Variants in SIK2 observed in about 807,000 individuals in gnomAD.
SIK2 encodes salt inducible kinase 2.
A neutral mutation model predicts 103.2 loss-of-function variants in SIK2; 29 were observed. The ratio of observed to expected loss-of-function variants is 0.28; its 90% CI spans 0.21 to 0.38. SIK2 has a LOEUF of 0.38. SIK2 is among the 10% of genes least tolerant of loss of function. SIK2 has a pLI of 1.00. For synonymous variants in SIK2, 412 were observed against 446.1 expected, an observed-to-expected ratio of 0.92 and a Z score of 0.96; for missense variants, 879 against 1,171.0, an observed-to-expected ratio of 0.75 and a Z score of 3.64.
chr11:111,700,781 A>G (rs140098989), intron 4 of SIK2, 105 bp from the exon 5 acceptor site: 1 of 1,373,512 alleles, frequency 7.3e-7, no homozygotes, highest in African/African-American at 1.4e-5. Context: ...CTCACAGTAA[A>G]TAGTAGTGAT....
intron 3 of SIK2, among the ~76,000 whole-genome samples, chr11:111,632,667 C>T (rs374419002): frequency 8.5e-5 from 13 of 152,132 alleles, no homozygotes; most frequent in East Asian, 7.7e-4. Context: ...ATTCTGACTT[C>T]ATGTACTAAC....
At chr11:111,660,190 G>A (rs1406279314) in intron 3 of SIK2, among the ~76,000 whole-genome samples, 3 of 152,086 alleles carry the variant, frequency 2.0e-5, no homozygotes, top group African/African-American at 7.2e-5. Flanking sequence ...CCAGGGGGAA[G>A]GATTGCCCTG....
chr11:111,716,996 A>C (rs763809668), intron 9 of SIK2, among the ~76,000 whole-genome samples: 3 of 152,156 alleles, frequency 2.0e-5, no homozygotes, highest in Non-Finnish European at 4.4e-5. Flanking sequence ...AGAAGACCTC[A>C]TACAGCCAAC....
chr11:111,724,197 T>A lies in SIK2; in HGVS notation c.*68T>A. 6.6e-7 allele frequency: 1 copy of A among 1,524,904 alleles called. No individual in the cohort carries two copies. The allele number at this position is 1,524,904 out of a possible 1,614,324, so 94.5% of individuals were successfully genotyped here. ...TATGTTCCTATTTTTATTCCAGCCT[T>A]TTAAATTTAAAGCTTATTTTCTTGC... On this transcript the variant is annotated 3_prime_UTR_variant, in exon 15 of 15. Transcript: ENST00000304987.
intron 1 of SIK2, among the ~76,000 whole-genome samples, chr11:111,612,940 ATATATATT>A (rs1341622117): frequency 1.9e-5 from 2 of 105,746 alleles, no homozygotes; most frequent in African/African-American, 3.0e-5. Flanking sequence ...ATATATATAT[ATATATATT>A]TATGATCATA....
intron 3 of SIK2, among the ~76,000 whole-genome samples, chr11:111,668,035 G>A (rs2135877509): frequency 6.6e-6 from 1 of 152,256 alleles, no homozygotes. Context: ...AGTCAGGAAA[G>A]GCTTTCTTAG....
intron 9 of SIK2, among the ~76,000 whole-genome samples, chr11:111,716,659 G>A (rs961889484): frequency 9.9e-5 from 15 of 152,110 alleles, no homozygotes; most frequent in Non-Finnish European, 1.3e-4. Context: ...GGATAAAATC[G>A]AACTCAGCAA....
At chr11:111,604,143 A>C (rs957212859) in intron 1 of SIK2, among the ~76,000 whole-genome samples, 6 of 152,280 alleles carry the variant, frequency 3.9e-5, no homozygotes, top group Non-Finnish European at 8.8e-5. Flanking sequence ...TGATAACTTG[A>C]CTATAGTGAT....
rs10595659 is a variant in SIK2, at chr11:111,719,356, CT to C, written c.1267-400del. Among the ~76,000 whole-genome samples, 218 of 118,834 alleles carry C rather than the reference CT, an allele frequency of 1.8e-3. 1 individual carries two copies. Among genetic ancestry groups the C allele is most frequent in the South Asian group, 0.013 (43 of 3,234 alleles). The allele number at this position is 118,834 out of a possible 152,430, so 78.0% of individuals were successfully genotyped here. On this transcript the variant is annotated intron_variant, in intron 9 of 14. Coordinates refer to ENST00000304987, the MANE Select transcript of SIK2 (RefSeq NM_015191.3). ...AATAGAAGAATCTTGGTGACTACCC[CT>C]TTTTTTTTTTTTTTTTTTAGCAATG...
chr11:111,716,724 G>A (rs1410280012), intron 9 of SIK2, among the ~76,000 whole-genome samples: 1 of 152,156 alleles, frequency 6.6e-6, no homozygotes, highest in Non-Finnish European at 1.5e-5. Flanking sequence ...GAAAATAAAT[G>A]TATAAACTGA....
Position 111,705,024 on chromosome 11 carries a change from T to C in SIK2, c.986T>C (p.Ile329Thr), listed in dbSNP as rs1943309850. The C allele has an allele frequency of 6.2e-7, 1 of 1,608,764 alleles. No individual in the cohort carries two copies. Among genetic ancestry groups the C allele is most frequent in the Non-Finnish European group, 8.5e-7 (1 of 1,178,370 alleles). ...AAGAGCTATAACCACTTTGCTGCCA[T>C]TTATTTCTTGTTGGTGGAGCGCCTG... ...QNKSYNHFAA[I>T]YFLLVERLKS... Residue 329 changes from isoleucine to threonine, a missense_variant, in exon 8 of 15, where the codon ATT becomes ACT. This residue lies in a region of SIK2 where 99 missense variants were observed against 153.9 expected (regional missense o/e 0.64). Coordinates refer to ENST00000304987, the MANE Select transcript of SIK2 (RefSeq NM_015191.3). The surrounding 1 kb of genome is among the most constrained non-coding windows in gnomAD (Gnocchi z 4.3).
In SIK2 at chr11:111,721,878, G is replaced by A. The variant is rs768572847; in HGVS notation, c.1993G>A (p.Val665Met). Residue 665 changes from valine (V) to methionine (M), a missense_variant, in exon 13 of 15, where the codon GTG (valine) becomes ATG (methionine). Val to Met is a conservative substitution (Grantham distance 21). Around this residue, in one of 7 missense-constraint regions of SIK2, gnomAD observed 375 missense variants for 416.3 expected, o/e 0.90. Coordinates refer to ENST00000304987, the MANE Select transcript of SIK2 (RefSeq NM_015191.3). ...QESVSTLPAS[V>M]HPQLSPRQSL... ...AAGCGTCTCCACTCTCCCTGCCAGC[G>A]TGCATCCCCAGCTGTCCCCACGGCA... 94 of 1,612,770 alleles carry A rather than the reference G, an allele frequency of 5.8e-5. No homozygotes were observed. The highest frequency in any genetic ancestry group is 5.8e-4 in the South Asian group (53 of 90,966).
intron 3 of SIK2, among the ~76,000 whole-genome samples, chr11:111,660,436 T>A (rs1478701644): frequency 6.6e-6 from 1 of 152,234 alleles, no homozygotes; most frequent in African/African-American, 2.4e-5. Flanking sequence ...GGTGTGTACC[T>A]GTGTAGTATA....
chr11:111,719,367 T>C (rs1318337850), intron 9 of SIK2, among the ~76,000 whole-genome samples: 1 of 149,686 alleles, frequency 6.7e-6, no homozygotes, highest in Non-Finnish European at 1.5e-5. Context: ...TTTTTTTTTT[T>C]TTTTTTTTAG....
chr11:111,725,193 ATTCT>A lies in SIK2; in HGVS notation c.*1071_*1074del, dbSNP rs1263872627. 2 of 152,590 alleles carry A rather than the reference ATTCT, an allele frequency of 1.3e-5. No homozygotes were observed. The highest frequency in any genetic ancestry group is 4.8e-5 in the African/African-American group (2 of 41,434). 9.5% of individuals were successfully genotyped at this position (152,590 alleles called of 1,614,324 possible). ...TGCCTTTCCCCCAGATCATGCTTTA[ATTCT>A]TTCTTTTCTGTAGAAACCAACAGTT... On this transcript the variant is annotated 3_prime_UTR_variant, in exon 15 of 15. Transcript: ENST00000304987.
At chr11:111,613,228 A>T (rs1390300319) in intron 1 of SIK2, among the ~76,000 whole-genome samples, 5 of 152,126 alleles carry the variant, frequency 3.3e-5, no homozygotes, top group African/African-American at 9.7e-5. Context: ...TCATCCCATT[A>T]AATATGACAC....
chr11:111,614,600 T>G (rs879494303), intron 1 of SIK2, among the ~76,000 whole-genome samples: 2 of 152,210 alleles, frequency 1.3e-5, no homozygotes, highest in Non-Finnish European at 2.9e-5. Flanking sequence ...CCATCCTCAT[T>G]ATCTTCACAT....
intron 3 of SIK2, among the ~76,000 whole-genome samples, chr11:111,636,614 G>A (rs1942111970): frequency 6.6e-6 from 1 of 152,138 alleles, no homozygotes; most frequent in East Asian, 1.9e-4. Flanking sequence ...GTAAAGATGT[G>A]TTCTTTTATC....
intron 2 of SIK2, among the ~76,000 whole-genome samples, chr11:111,618,849 A>G (rs1359031593): frequency 6.6e-6 from 1 of 151,970 alleles, no homozygotes; most frequent in Non-Finnish European, 1.5e-5. Context: ...TCCTGCCTCA[A>G]CCCCTCCCCA....
Sources: gnomAD v4.1 joint callset for allele counts (sites outside exome capture counted in the v4.1 genomes callset) on GRCh38, gnomAD v4.1.1 for gene constraint, gnomAD v4.1.1 regional missense constraint, Gnocchi (gnomAD v3.1) non-coding constraint, MANE v1.5 for transcripts, NCBI Gene and HGNC (gene_info 2026-07-23, HGNC 2026-07-21) for gene names.